ZBTB46: variants seen among roughly 807,000 people sequenced by gnomAD.
ZBTB46 encodes the protein zinc finger and BTB domain-containing protein 46.
Under a neutral mutation model 44.1 loss-of-function variants are expected in ZBTB46, and 8 were observed. That is an observed-to-expected ratio of 0.18 (90% CI 0.11 to 0.33). The LOEUF (loss-of-function observed/expected upper bound fraction) is 0.33, where lower values mean the gene tolerates loss of function less well. Ranked by LOEUF, ZBTB46 falls within the 10% of genes least tolerant of loss-of-function variation. The probability of loss-of-function intolerance (pLI) is 1.00; values close to 1 mark genes in which losing one functional copy is unlikely to be tolerated. For synonymous variants in ZBTB46, 409 were observed against 382.3 expected (o/e 1.07, Z -0.81); for missense variants, 651 against 847.7 (o/e 0.77, Z 2.88).
intron 1 of ZBTB46, among the ~76,000 whole-genome samples, chr20:63,808,887 G>A (rs1047608211): frequency 6.8e-5 from 10 of 146,398 alleles, no homozygotes; most frequent in African/African-American, 2.5e-4. Context: ...TGAGGCAGGA[G>A]AATGGCGGGA....
In ZBTB46 at chr20:63,743,936, T is replaced by C. The variant is rs1175437082; in HGVS notation, c.*2994A>G. On this transcript the variant is annotated 3_prime_UTR_variant, in exon 5 of 5. Coordinates refer to ENST00000245663, the MANE Select transcript of ZBTB46 (RefSeq NM_001369741.1). ...TAAGTAATAGGAAGTCAATATAATA[T>C]AGATTATCCCCAGAAAAAAATCAAC... The C allele has an allele frequency of 6.6e-6, 1 of 152,568 alleles. No individual in the cohort carries two copies. The highest frequency in any genetic ancestry group is 1.5e-5 in the Non-Finnish European group (1 of 68,016). The allele number at this position is 152,568 out of a possible 1,614,324, so 9.5% of individuals were successfully genotyped here. A position where few individuals can be genotyped will look rare whatever the true frequency, so the allele number is the denominator to read the frequency against.
At chr20:63,807,489 C>T (rs935141519) in intron 1 of ZBTB46, among the ~76,000 whole-genome samples, 5 of 152,106 alleles carry the variant, frequency 3.3e-5, no homozygotes, top group Non-Finnish European at 5.9e-5. Flanking sequence ...GGACTACAGG[C>T]GCACGCCAGC....
At chr20:63,768,137 A>C (rs769262283) in intron 3 of ZBTB46, 208 of 985,294 alleles carry the variant, frequency 2.1e-4, no homozygotes, top group Middle Eastern at 1.0e-3. Flanking sequence ...GAAGACTGTA[A>C]TTAATTCTCA....
intron 1 of ZBTB46, among the ~76,000 whole-genome samples, chr20:63,817,617 G>C (rs553332054): frequency 6.6e-6 from 1 of 151,452 alleles, no homozygotes; most frequent in South Asian, 2.1e-4. Context: ...TTGGAAGGCT[G>C]AGGCAGGAGA....
At chr20:63,801,428 C>T (rs2092643827) in intron 1 of ZBTB46, among the ~76,000 whole-genome samples, 11 of 152,208 alleles carry the variant, frequency 7.2e-5, no homozygotes, top group Admixed American at 7.2e-4. Context: ...GACCAATCAG[C>T]TCTCTGTAAA....
intron 1 of ZBTB46, among the ~76,000 whole-genome samples, chr20:63,798,686 A>AAAAAAAG (rs1328070593): frequency 2.2e-5 from 3 of 137,356 alleles, no homozygotes; most frequent in African/African-American, 8.4e-5. Flanking sequence ...AAAAAAAAAA[A>AAAAAAAG]AAAAAAATTA....
intron 1 of ZBTB46, among the ~76,000 whole-genome samples, chr20:63,797,435 C>G (rs2092612307): frequency 6.6e-6 from 1 of 152,166 alleles, no homozygotes; most frequent in African/African-American, 2.4e-5. Context: ...CAAGTCTTTA[C>G]TATCGTGAAT....
At chr20:63,801,730 A>C (rs555754501) in intron 1 of ZBTB46, among the ~76,000 whole-genome samples, 2 of 152,186 alleles carry the variant, frequency 1.3e-5, no homozygotes, top group African/African-American at 4.8e-5. Flanking sequence ...CAAACTCCAG[A>C]CACGCCGCCT....
chr20:63,830,735 G>A (rs1268277481), intron 1 of ZBTB46, among the ~76,000 whole-genome samples: 1 of 148,058 alleles, frequency 6.8e-6, no homozygotes, highest in Non-Finnish European at 1.5e-5. Context: ...GCCGGGGAGG[G>A]AGCGCGGCGG....
At chr20:63,832,957 A>T (rs935451258), upstream of ZBTB46, among the ~76,000 whole-genome samples, 1 of 151,810 alleles carries the variant, frequency 6.6e-6, no homozygotes, top group African/African-American at 2.4e-5. The surrounding 1 kb of genome is among the most constrained non-coding windows in gnomAD (Gnocchi z 5.0). Context: ...CTGGGGAGAC[A>T]GGAGAGCTCG....
At chr20:63,822,018 C>A (rs1033826679) in intron 1 of ZBTB46, among the ~76,000 whole-genome samples, 2 of 152,182 alleles carry the variant, frequency 1.3e-5, no homozygotes, top group Non-Finnish European at 2.9e-5. Flanking sequence ...CAGCACACTG[C>A]GAGAACTTAC....
Position 63,752,069 on chromosome 20 carries a change from C to A in ZBTB46, c.1398+617G>T, listed in dbSNP as rs1182823298. On this transcript the variant is annotated intron_variant, in intron 4 of 4. Coordinates refer to ENST00000245663, the MANE Select transcript of ZBTB46 (RefSeq NM_001369741.1). The surrounding 1 kb of genome is among the most constrained non-coding windows in gnomAD (Gnocchi z 5.6). The stretch of plus-strand genomic sequence containing the variant: ...CCTGCACCCTGCGCCTCGGGGTGGG[C>A]GTTCCAGGACTCCCCGAACCCTTGG... Among the ~76,000 whole-genome samples, 38 of 152,016 alleles carry A rather than the reference C, an allele frequency of 2.5e-4. No individual in the cohort carries two copies. The highest frequency in any genetic ancestry group is 2.5e-3 in the Admixed American group (38 of 15,278).
At chr20:63,815,991 AGTGGGCACAG>A (rs1305449883) in intron 1 of ZBTB46, among the ~76,000 whole-genome samples, 52 of 134,870 alleles carry the variant, frequency 3.9e-4, no homozygotes, top group South Asian at 1.2e-3. Context: ...GCGCAGGTGC[AGTGGGCACAG>A]GTGGGCACAG....
At chr20:63,770,174 C>T (rs565499935) in intron 3 of ZBTB46, among the ~76,000 whole-genome samples, 31 of 152,350 alleles carry the variant, frequency 2.0e-4, no homozygotes, top group African/African-American at 4.6e-4. Flanking sequence ...CGGCCGGCGG[C>T]GCATCCTCGG....
chr20:63,813,867 G>A (rs899227046), intron 1 of ZBTB46, among the ~76,000 whole-genome samples: 13 of 152,218 alleles, frequency 8.5e-5, no homozygotes, highest in Non-Finnish European at 1.9e-4. Context: ...CGGGGTGCCC[G>A]GCTGCGTGTG....
At chr20:63,765,996 G>T (rs184880651) in intron 3 of ZBTB46, among the ~76,000 whole-genome samples, 1 of 151,912 alleles carries the variant, frequency 6.6e-6, no homozygotes, top group Admixed American at 6.6e-5. Flanking sequence ...CTCTCTCCCC[G>T]CTGGGCCCAC....
chr20:63,766,502 C>G (rs1390046812), intron 3 of ZBTB46, among the ~76,000 whole-genome samples: 2 of 149,682 alleles, frequency 1.3e-5, no homozygotes, highest in Non-Finnish European at 3.0e-5. Flanking sequence ...AGGCATGAGC[C>G]ACTGCACCTG....
intron 4 of ZBTB46, among the ~76,000 whole-genome samples, chr20:63,750,436 G>A (rs975642242): frequency 6.6e-6 from 1 of 150,792 alleles, no homozygotes; most frequent in Non-Finnish European, 1.5e-5. Context: ...ACAGAGTCTC[G>A]CAATTTTGCC....
At chr20:63,772,090 G>C (rs2092380005) in intron 3 of ZBTB46, among the ~76,000 whole-genome samples, 1 of 149,754 alleles carries the variant, frequency 6.7e-6, no homozygotes, top group Non-Finnish European at 1.5e-5. Flanking sequence ...CTCCTTCCAG[G>C]TTCAAGCGAT....
Sources: gnomAD v4.1 joint callset for allele counts (sites outside exome capture counted in the v4.1 genomes callset) on GRCh38, gnomAD v4.1.1 for gene constraint, Gnocchi (gnomAD v3.1) non-coding constraint, MANE v1.5 for transcripts, NCBI Gene and HGNC (gene_info 2026-07-23, HGNC 2026-07-21) for gene names.